The following CHKA variants were observed in gnomAD, a reference collection of about 807,000 sequenced individuals.
CHKA encodes the protein CHETK-alpha.
A neutral mutation model predicts 60.1 loss-of-function variants in CHKA; 34 were observed. The ratio of observed to expected loss-of-function variants is 0.57; its 90% CI spans 0.43 to 0.75. CHKA has a LOEUF of 0.75. Among genes scored for constraint, CHKA ranks in the 30% least tolerant of loss-of-function variants. The pLI is 0.00. For missense variants in CHKA, 563 were observed against 561.3 expected, an observed-to-expected ratio of 1.00 and a Z score of -0.03; for synonymous variants, 217 against 223.1, an observed-to-expected ratio of 0.97 and a Z score of 0.24.
At chr11:68,090,681 G>A (rs751760270) in intron 2 of CHKA, among the ~76,000 whole-genome samples, 3 of 152,136 alleles carry the variant, frequency 2.0e-5, no homozygotes, top group Non-Finnish European at 4.4e-5. Context: ...ACATATCTGC[G>A]TTGTGCCTTG....
rs1362554273 is a variant in CHKA at position 68,095,723 on chromosome 11, A to AAAC, written c.462+1295_462+1296insGTT. Reference sequence around the variant, plus strand: ...GACTCCGTCGCAAAAAAAAAAAAAAAAAAAAAAAAAACAACAGGTATCAAA... The same window carrying AAAC: ...GACTCCGTCGCAAAAAAAAAAAAAAAAACAAAAAAAAAAACAACAGGTATCAAA... On this transcript the variant is annotated intron_variant, in intron 2 of 11. Coordinates refer to ENST00000265689, the MANE Select transcript of CHKA (RefSeq NM_001277.3). Among the ~76,000 whole-genome samples the AAAC allele has an allele frequency of 7.7e-5, 11 of 143,698 alleles. 2 individuals carry two copies. Among genetic ancestry groups the AAAC allele is most frequent in the African/African-American group, 2.6e-4 (10 of 38,824 alleles). The allele number at this position is 143,698 out of a possible 152,430, so 94.3% of individuals were successfully genotyped here.
chr11:68,105,514 C>CAAAAAAAAAAAAAAAAAAAAAA (rs1170085830), intron 1 of CHKA, among the ~76,000 whole-genome samples: 2 of 64,952 alleles, frequency 3.1e-5, no homozygotes, highest in Non-Finnish European at 5.5e-5. Flanking sequence ...GACTCCATCT[C>CAAAAAAAAAAAAAAAAAAAAAA]AAAAAAAAAA....
chr11:68,106,166 G>A (rs999025368), intron 1 of CHKA, among the ~76,000 whole-genome samples: 3 of 152,184 alleles, frequency 2.0e-5, no homozygotes, highest in African/African-American at 7.2e-5. Context: ...CAGTGCTGCA[G>A]TAAAACATCA....
chr11:68,096,950 G>A, intron 2 of CHKA, 69 bp downstream of exon 2: 1 of 1,050,090 alleles, frequency 9.5e-7, no homozygotes, highest in South Asian at 1.5e-5. Flanking sequence ...CTCTTTCCAA[G>A]GTATCTCAGC....
intron 2 of CHKA, among the ~76,000 whole-genome samples, chr11:68,087,388 G>A (rs543878253): frequency 6.6e-6 from 1 of 151,710 alleles, no homozygotes; most frequent in African/African-American, 2.4e-5. Flanking sequence ...AGGCTGAGGC[G>A]GGAGAATCGC....
At chr11:68,085,669 G>A (rs900156373) in intron 2 of CHKA, among the ~76,000 whole-genome samples, 2 of 152,138 alleles carry the variant, frequency 1.3e-5, no homozygotes, top group East Asian at 3.8e-4. Context: ...GCTTAAAAGC[G>A]TGTATTATTT....
chr11:68,104,856 G>A (rs553760322), intron 1 of CHKA, among the ~76,000 whole-genome samples: 2 of 152,114 alleles, frequency 1.3e-5, no homozygotes, highest in East Asian at 3.9e-4. Context: ...TGGAATCCCA[G>A]CACTTTGGGA....
At chr11:68,079,286 C>T (rs1336578540) in intron 3 of CHKA, among the ~76,000 whole-genome samples, 5 of 151,714 alleles carry the variant, frequency 3.3e-5, no homozygotes, top group South Asian at 2.1e-4. Context: ...GTGAGATGTT[C>T]GCATTAGGGA....
chr11:68,114,906 A>C (rs1858327841), intron 1 of CHKA, among the ~76,000 whole-genome samples: 1 of 152,024 alleles, frequency 6.6e-6, no homozygotes. Context: ...ACAGACATTA[A>C]GTAGAGGATT....
At chr11:68,108,357 T>C (rs1187981176) in intron 1 of CHKA, among the ~76,000 whole-genome samples, 1 of 152,104 alleles carries the variant, frequency 6.6e-6, no homozygotes, top group Non-Finnish European at 1.5e-5. Flanking sequence ...CTCAACCTTC[T>C]GGTTTCCAGT....
At chr11:68,099,352 A>G (rs1192511035) in intron 1 of CHKA, among the ~76,000 whole-genome samples, 2 of 152,248 alleles carry the variant, frequency 1.3e-5, no homozygotes, top group African/African-American at 4.8e-5. Flanking sequence ...CTTACCAAAT[A>G]AAAAATTTGA....
At chr11:68,066,605 C>T in intron 7 of CHKA, 89 bp from the exon 8 acceptor site, 1 of 998,444 alleles carries the variant, frequency 1.0e-6, no homozygotes, top group East Asian at 2.4e-5. Context: ...GATTTGATCC[C>T]TTAGGGAATC....
intron 3 of CHKA, among the ~76,000 whole-genome samples, chr11:68,079,873 A>C (rs1856920981): frequency 6.6e-6 from 1 of 152,124 alleles, no homozygotes; most frequent in African/African-American, 2.4e-5. Flanking sequence ...CAGGTGACCG[A>C]GGGAGACAGG....
At chr11:68,082,114 T>C (rs1319086922) in intron 2 of CHKA, 1 of 152,054 alleles carries the variant, frequency 6.6e-6, no homozygotes, top group Non-Finnish European at 1.5e-5. Context: ...AAGAAATACT[T>C]ATATCACTTT....
intron 1 of CHKA, among the ~76,000 whole-genome samples, chr11:68,102,590 T>C (rs1298761785): frequency 6.6e-6 from 1 of 152,136 alleles, no homozygotes; most frequent in Non-Finnish European, 1.5e-5. Context: ...CCTGAAACTA[T>C]GAAACTGCCA....
intron 1 of CHKA, among the ~76,000 whole-genome samples, chr11:68,110,690 C>T (rs4930557): frequency 0.57 from 86,489 of 151,880 alleles, 24,746 homozygotes; most frequent in Middle Eastern, 0.7. Context: ...TGAATACCAA[C>T]GAACTGATTC....
intron 1 of CHKA, among the ~76,000 whole-genome samples, chr11:68,107,949 G>A (rs577396484): frequency 6.6e-6 from 1 of 152,248 alleles, no homozygotes; most frequent in South Asian, 2.1e-4. Flanking sequence ...CGATCTCATT[G>A]TGGAAAACTA....
chr11:68,061,927 AAAAC>A (rs1441778287), intron 11 of CHKA, 22 bp downstream of exon 11: 1 of 1,512,380 alleles, frequency 6.6e-7, no homozygotes, highest in East Asian at 2.3e-5. Flanking sequence ...AAGAAAAAAA[AAAAC>A]AAAAACGCTG....
chr11:68,080,717 T>C (rs1354826135), intron 3 of CHKA, among the ~76,000 whole-genome samples: 1 of 152,252 alleles, frequency 6.6e-6, no homozygotes. Context: ...ATCTACATCT[T>C]AGACCCACGT....
Sources: gnomAD v4.1 joint callset for allele counts (sites outside exome capture counted in the v4.1 genomes callset) on GRCh38, gnomAD v4.1.1 for gene constraint, MANE v1.5 for transcripts, NCBI Gene and HGNC (gene_info 2026-07-23, HGNC 2026-07-21) for gene names.